The following CDIN1 variants were observed in gnomAD, a reference collection of about 807,000 sequenced individuals.
CDIN1 encodes the protein CDAN1 interacting nuclease 1, also known as CDAN1-interacting nuclease 1.
CDIN1 carries 33 observed loss-of-function variants against 45.3 expected under a neutral mutation model. The ratio of observed to expected loss-of-function variants is 0.73; its 90% CI spans 0.55 to 0.97. The LOEUF (loss-of-function observed/expected upper bound fraction) is 0.97, where lower values mean the gene tolerates loss of function less well. CDIN1 is among the 50% of genes least tolerant of loss of function. The pLI, the probability that CDIN1 is intolerant of heterozygous loss-of-function variation, is 0.00. For missense variants in CDIN1, 303 were observed against 339.4 expected, an observed-to-expected ratio of 0.89 and a Z score of 0.84; for synonymous variants, 118 against 124.4, an observed-to-expected ratio of 0.95 and a Z score of 0.34.
At chr15:36,706,297 A>G (rs1408099971) in intron 8 of CDIN1, 1 of 152,098 alleles carries the variant, frequency 6.6e-6, no homozygotes, top group Non-Finnish European at 1.5e-5. Flanking sequence ...AATGTTAAGG[A>G]GTGGATAGGT....
intron 1 of CDIN1, among the ~76,000 whole-genome samples, chr15:36,587,585 G>C (rs2037364628): frequency 6.6e-6 from 1 of 151,840 alleles, no homozygotes; most frequent in Non-Finnish European, 1.5e-5. Flanking sequence ...GAGGTGGCTT[G>C]GTTTACTTGG....
At chr15:36,749,614 A>G (rs2053404366) in intron 10 of CDIN1, among the ~76,000 whole-genome samples, 1 of 152,228 alleles carries the variant, frequency 6.6e-6, no homozygotes, top group Non-Finnish European at 1.5e-5. Flanking sequence ...GGATCTGAAC[A>G]TTAGGAATGG....
Position 36,691,761 on chromosome 15 carries a change from T to C in CDIN1, c.423T>C (p.Tyr141=), listed in dbSNP as rs7183415. Residue 141 remains tyrosine (Y), a synonymous_variant, in exon 6 of 11, where the codon TAT becomes TAC. Transcript: ENST00000566621. ...IPDGVLANQV[Y]QCIVNDCCYG... is the part of the protein sequence containing the mutation. ...ATGGAGTTCTAGCAAATCAGGTCTATCAGGTATTAATCACAGCTGTCTATT... is the reference window on the plus strand; with the variant it reads ...ATGGAGTTCTAGCAAATCAGGTCTACCAGGTATTAATCACAGCTGTCTATT... 0.11 allele frequency: 169,552 copies of C among 1,587,854 alleles called. 11,535 individuals carry two copies. The highest frequency in any genetic ancestry group is 0.37 in the East Asian group (16,307 of 44,278).
chr15:36,795,278 C>T (rs1041000653), intron 10 of CDIN1, among the ~76,000 whole-genome samples: 5 of 152,042 alleles, frequency 3.3e-5, no homozygotes, highest in African/African-American at 1.2e-4. Flanking sequence ...TTCAAAATAG[C>T]TAGAAGAGAA....
rs536689400 is a variant in CDIN1 at position 36,762,945 on chromosome 15, A to G, written c.717-45379A>G. 1.3e-3 allele frequency among the ~76,000 whole-genome samples: 195 copies of G among 152,250 alleles called. 1 individual carries two copies. Among genetic ancestry groups the G allele is most frequent in the African/African-American group, 4.2e-3 (174 of 41,560 alleles). ...CTTTGCTATTGTGAATAGTGCCGCA[A>G]TAAACATACGTGTGCATGTGTCTTT... On this transcript the variant is annotated intron_variant, in intron 10 of 10. Coordinates refer to ENST00000566621, the MANE Select transcript of CDIN1 (RefSeq NM_001321759.2).
chr15:36,720,913 A>G (rs1443622992), intron 10 of CDIN1, among the ~76,000 whole-genome samples: 4 of 151,938 alleles, frequency 2.6e-5, no homozygotes, highest in Admixed American at 1.3e-4. Flanking sequence ...AAGCATTCCT[A>G]TTTCTGCACA....
chr15:36,635,706 C>G (rs945193944), intron 1 of CDIN1, among the ~76,000 whole-genome samples: 22 of 152,182 alleles, frequency 1.4e-4, no homozygotes, highest in African/African-American at 5.1e-4. Context: ...TAGAATTAAA[C>G]TTTGTTCGGG....
intron 5 of CDIN1, among the ~76,000 whole-genome samples, chr15:36,669,423 A>G (rs192220023): frequency 6.6e-6 from 1 of 152,114 alleles, no homozygotes; most frequent in African/African-American, 2.4e-5. Flanking sequence ...TTACTTTTTT[A>G]AAATAAAATT....
chr15:36,744,739 A>G (rs2044360268), intron 10 of CDIN1, among the ~76,000 whole-genome samples: 1 of 152,204 alleles, frequency 6.6e-6, no homozygotes, highest in African/African-American at 2.4e-5. Flanking sequence ...TCTGCACATC[A>G]AGCTCAGATG....
rs142499730 is a variant in CDIN1, at chr15:36,660,933, G to A, written c.346+3028G>A. On this transcript the variant is annotated intron_variant, in intron 5 of 10. Transcript: ENST00000566621. Reference sequence around the variant, plus strand: ...TTCTTCCTCCCAAATTAGACATGAGGAAGTTTATCCATGTTGTGCCATTTT... The same window carrying A: ...TTCTTCCTCCCAAATTAGACATGAGAAAGTTTATCCATGTTGTGCCATTTT... Among the ~76,000 whole-genome samples, 647 of 152,274 alleles carry A rather than the reference G, an allele frequency of 4.2e-3. 4 individuals are homozygous for A. Among genetic ancestry groups the A allele is most frequent in the African/African-American group, 0.015 (626 of 41,550 alleles).
intron 3 of CDIN1, among the ~76,000 whole-genome samples, chr15:36,646,326 A>T (rs4924091): frequency 0.95 from 144,580 of 152,232 alleles, 68,679 homozygotes; most frequent in East Asian, 1. Context: ...TAGATTTTTT[A>T]AAAAAAATTA....
At chr15:36,652,102 A>G (rs2040598070) in intron 3 of CDIN1, among the ~76,000 whole-genome samples, 1 of 152,166 alleles carries the variant, frequency 6.6e-6, no homozygotes, top group African/African-American at 2.4e-5. Context: ...TCTCTACTCG[A>G]GTGTCACTCC....
intron 5 of CDIN1, among the ~76,000 whole-genome samples, chr15:36,663,989 T>A (rs2041131962): frequency 6.6e-6 from 1 of 152,192 alleles, no homozygotes; most frequent in South Asian, 2.1e-4. Context: ...GCATTATCTT[T>A]AGCAAACTTC....
At chr15:36,654,440 G>A (rs190312538) in intron 4 of CDIN1, among the ~76,000 whole-genome samples, 1 of 145,830 alleles carries the variant, frequency 6.9e-6, no homozygotes, top group Non-Finnish European at 1.5e-5. Flanking sequence ...AACAGCTCAG[G>A]ACATGCTTTT....
chr15:36,773,964 T>TA (rs1357596645), intron 10 of CDIN1, among the ~76,000 whole-genome samples: 9 of 152,344 alleles, frequency 5.9e-5, no homozygotes, highest in Admixed American at 5.9e-4. Flanking sequence ...ACCAGAAGCA[T>TA]AGTTTGGCAT....
chr15:36,737,928 T>C (rs185166685), intron 10 of CDIN1, among the ~76,000 whole-genome samples: 1 of 152,322 alleles, frequency 6.6e-6, no homozygotes, highest in East Asian at 1.9e-4. Flanking sequence ...CACCTTTACT[T>C]GACCTGTCCA....
At chr15:36,776,812 A>T (rs1052002923) in intron 10 of CDIN1, among the ~76,000 whole-genome samples, 2 of 152,198 alleles carry the variant, frequency 1.3e-5, no homozygotes, top group African/African-American at 2.4e-5. Context: ...CAACATAGTG[A>T]TCTCTTTTTT....
rs1242978936 is a variant in CDIN1, at chr15:36,760,372, G to GT, written c.717-47946dup. On this transcript the variant is annotated intron_variant, in intron 10 of 10. Coordinates refer to ENST00000566621, the MANE Select transcript of CDIN1 (RefSeq NM_001321759.2). Reference sequence around the variant, plus strand: ...ATGATGTGACTTTTGTGATAATTCTGTTTTTTCCTTTTAATATTCAACTAA... The same window carrying GT: ...ATGATGTGACTTTTGTGATAATTCTGTTTTTTTCCTTTTAATATTCAACTAA... Among the ~76,000 whole-genome samples the GT allele has an allele frequency of 2.0e-5, 3 of 152,190 alleles. No homozygotes were observed. In the East Asian group the frequency reaches 5.8e-4, roughly 29 times the overall value.
intron 1 of CDIN1, among the ~76,000 whole-genome samples, chr15:36,611,208 A>G (rs1269425699): frequency 1.3e-5 from 2 of 152,174 alleles, no homozygotes; most frequent in Non-Finnish European, 2.9e-5. Context: ...CTGGGTAGCT[A>G]TTGACAATAC....
Sources: gnomAD v4.1 joint callset for allele counts (sites outside exome capture counted in the v4.1 genomes callset) on GRCh38, gnomAD v4.1.1 for gene constraint, MANE v1.5 for transcripts, NCBI Gene and HGNC (gene_info 2026-07-23, HGNC 2026-07-21) for gene names.